Variants in NRG3 observed in about 807,000 individuals in gnomAD.
The protein encoded by NRG3 is neuregulin 3, also known as pro-neuregulin-3, membrane-bound isoform.
A neutral mutation model predicts 66.9 loss-of-function variants in NRG3; 31 were observed. The ratio of observed to expected loss-of-function variants is 0.46; its 90% CI spans 0.35 to 0.63. The LOEUF (loss-of-function observed/expected upper bound fraction) is 0.63. NRG3 is among the 20% of genes least tolerant of loss of function. NRG3 has a pLI of 0.00. For missense variants in NRG3, 910 were observed against 878.9 expected, an observed-to-expected ratio of 1.04 and a Z score of -0.45; for synonymous variants, 393 against 359.4, an observed-to-expected ratio of 1.09 and a Z score of -1.06.
Position 82,686,340 on chromosome 10 carries a change from G to A in NRG3, c.954-52237G>A, listed in dbSNP as rs530865509. Among the ~76,000 whole-genome samples, 96 of 151,724 alleles carry A rather than the reference G, an allele frequency of 6.3e-4. 2 individuals are homozygous for A. The highest frequency in any genetic ancestry group is 6.8e-3 in the Middle Eastern group (2 of 292). On this transcript the variant is annotated intron_variant, in intron 2 of 8. Coordinates refer to ENST00000372141, the MANE Select transcript of NRG3 (RefSeq NM_001010848.4). Reference sequence around the variant, plus strand: ...GTAGCTGGAATTATAGGCGCCCACCGCTACGCCTGGCTAATTTTTGTATTT... The same window carrying A: ...GTAGCTGGAATTATAGGCGCCCACCACTACGCCTGGCTAATTTTTGTATTT...
intron 1 of NRG3, among the ~76,000 whole-genome samples, chr10:82,129,436 G>T (rs2068668721): frequency 6.6e-6 from 1 of 152,042 alleles, no homozygotes; most frequent in South Asian, 2.1e-4. Flanking sequence ...TACATAGTTG[G>T]TGTATGTATG....
At chr10:82,240,562 C>T (rs11511418) in intron 1 of NRG3, among the ~76,000 whole-genome samples, 29 of 152,036 alleles carry the variant, frequency 1.9e-4, no homozygotes, top group Non-Finnish European at 3.5e-4. Flanking sequence ...ATCAGTCACT[C>T]GAGTGTCCAC....
chr10:82,651,805 T>A (rs940611568), intron 2 of NRG3, among the ~76,000 whole-genome samples: 5 of 152,212 alleles, frequency 3.3e-5, no homozygotes, highest in African/African-American at 1.2e-4. Context: ...CATCCCCAAA[T>A]ATCAGTAGTT....
chr10:82,304,153 T>C (rs145007150), intron 1 of NRG3, among the ~76,000 whole-genome samples: 2,783 of 152,124 alleles, frequency 0.018, 65 homozygotes, highest in African/African-American at 0.052. Flanking sequence ...CCTGTCTTCC[T>C]GCAACAATTT....
chr10:82,254,540 T>A (rs368075228), intron 1 of NRG3, among the ~76,000 whole-genome samples: 4 of 152,142 alleles, frequency 2.6e-5, no homozygotes, highest in East Asian at 3.9e-4. Flanking sequence ...ACAACTTGGT[T>A]TCCTTGGAGA....
chr10:82,440,789 T>C (rs888696547), intron 2 of NRG3, among the ~76,000 whole-genome samples: 1 of 152,226 alleles, frequency 6.6e-6, no homozygotes, highest in Non-Finnish European at 1.5e-5. Flanking sequence ...TATATTATAT[T>C]AGCTTACATT....
At chr10:81,885,834 C>A (rs1343950434) in intron 1 of NRG3, among the ~76,000 whole-genome samples, 1 of 151,928 alleles carries the variant, frequency 6.6e-6, no homozygotes, top group Admixed American at 6.6e-5. Context: ...GGGTTGTTTG[C>A]CCAAATTTAT....
intron 2 of NRG3, among the ~76,000 whole-genome samples, chr10:82,475,111 T>C (rs1045673282): frequency 6.6e-6 from 1 of 151,770 alleles, no homozygotes; most frequent in Non-Finnish European, 1.5e-5. Context: ...TTGGAGCAGA[T>C]AGACACAAAA....
chr10:82,150,821 C>G (rs2070690260), intron 1 of NRG3, among the ~76,000 whole-genome samples: 1 of 152,108 alleles, frequency 6.6e-6, no homozygotes, highest in South Asian at 2.1e-4. Flanking sequence ...GAGACTTTTT[C>G]TAAGCCTAGG....
chr10:82,108,862 A>G (rs749259183), intron 1 of NRG3, among the ~76,000 whole-genome samples: 3 of 152,164 alleles, frequency 2.0e-5, no homozygotes, highest in Non-Finnish European at 2.9e-5. Flanking sequence ...TGGTATATTT[A>G]TATTTACCCA....
intron 1 of NRG3, among the ~76,000 whole-genome samples, chr10:82,120,374 A>G (rs1009999530): frequency 2.0e-5 from 3 of 152,178 alleles, no homozygotes; most frequent in Non-Finnish European, 4.4e-5. Context: ...GGCTATTTAA[A>G]ATCAATAGTA....
intron 1 of NRG3, among the ~76,000 whole-genome samples, chr10:82,028,214 A>G (rs1344839314): frequency 6.6e-6 from 1 of 152,050 alleles, no homozygotes; most frequent in Non-Finnish European, 1.5e-5. Flanking sequence ...TGAACAAGAG[A>G]TGACACCATG....
intron 2 of NRG3, among the ~76,000 whole-genome samples, chr10:82,489,562 A>G (rs1842935836): frequency 6.6e-6 from 1 of 152,090 alleles, no homozygotes; most frequent in South Asian, 2.1e-4. Flanking sequence ...TACACCCTCA[A>G]CCTAAGGTAT....
At chr10:82,179,741 C>T (rs2073285919) in intron 1 of NRG3, among the ~76,000 whole-genome samples, 1 of 151,778 alleles carries the variant, frequency 6.6e-6, no homozygotes, top group Non-Finnish European at 1.5e-5. Flanking sequence ...TTTGTGGTTG[C>T]ATATTAATCT....
intron 1 of NRG3, among the ~76,000 whole-genome samples, chr10:82,346,585 G>A (rs973698203): frequency 6.6e-6 from 1 of 152,064 alleles, no homozygotes; most frequent in African/African-American, 2.4e-5. Flanking sequence ...CTCATAAAAC[G>A]AGTTAGGGAG....
Position 82,978,245 on chromosome 10 carries a change from TCA to T in NRG3, c.1413-704_1413-703del, listed in dbSNP as rs538231666. 9.2e-5 allele frequency among the ~76,000 whole-genome samples: 14 copies of T among 152,338 alleles called. No individual in the cohort carries two copies. In the South Asian group the frequency reaches 2.7e-3, roughly 29 times the overall value. Reference sequence around the variant, plus strand: ...CTGTGCATAATCTATGTAGGAATTCTCAGTTTGTTAAGGCCTGTGGTATAACC... The same window carrying T: ...CTGTGCATAATCTATGTAGGAATTCTGTTTGTTAAGGCCTGTGGTATAACC... On this transcript the variant is annotated intron_variant, in intron 7 of 8. Transcript: ENST00000372141.
At chr10:82,945,022 C>G (rs1208633955) in intron 4 of NRG3, among the ~76,000 whole-genome samples, 1 of 152,036 alleles carries the variant, frequency 6.6e-6, no homozygotes, top group Non-Finnish European at 1.5e-5. Flanking sequence ...ACCACAAGTC[C>G]CCATGGACTA....
chr10:82,715,625 C>T (rs1475051567), intron 2 of NRG3, among the ~76,000 whole-genome samples: 2 of 152,052 alleles, frequency 1.3e-5, no homozygotes, highest in African/African-American at 4.8e-5. Flanking sequence ...AAATGTGTAT[C>T]AGTGCTATCA....
At chr10:82,042,549 A>G (rs2063093626) in intron 1 of NRG3, among the ~76,000 whole-genome samples, 1 of 152,026 alleles carries the variant, frequency 6.6e-6, no homozygotes, top group African/African-American at 2.4e-5. Context: ...TGCTACTCTG[A>G]TTCTTAAATT....
Sources: allele counts gnomAD v4.1 joint callset (sites outside exome capture counted in the v4.1 genomes callset), GRCh38; gene constraint gnomAD v4.1.1; transcripts MANE v1.5; gene names NCBI Gene and HGNC (gene_info 2026-07-23, HGNC 2026-07-21).